The following OPCML variants were observed in gnomAD, a reference collection of about 807,000 sequenced individuals.
OPCML encodes the protein opioid-binding protein/cell adhesion molecule.
A neutral mutation model predicts 37.8 loss-of-function variants in OPCML; 13 were observed. The observed-to-expected ratio is 0.34, with a 90% CI of 0.22 to 0.55. The LOEUF is 0.55. Ranked by LOEUF, OPCML falls within the 20% of genes least tolerant of loss-of-function variation. The pLI is 0.91. For synonymous variants in OPCML, 176 were observed against 168.8 expected (o/e 1.04, Z -0.33); for missense variants, 341 against 435.6 (o/e 0.78, Z 1.93).
intron 1 of OPCML, among the ~76,000 whole-genome samples, chr11:133,322,326 G>T (rs1003643695): frequency 6.6e-6 from 1 of 152,184 alleles, no homozygotes; most frequent in African/African-American, 2.4e-5. Flanking sequence ...ATCATGGTTG[G>T]ATTATACAGA....
chr11:133,042,513 T>G (rs756183955), intron 1 of OPCML, among the ~76,000 whole-genome samples: 4 of 152,142 alleles, frequency 2.6e-5, no homozygotes, highest in African/African-American at 9.7e-5. Context: ...TGGTGTTGTA[T>G]CCACAGAAAT....
At chr11:132,823,475 A>G (rs1940112477) in intron 2 of OPCML, among the ~76,000 whole-genome samples, 1 of 151,514 alleles carries the variant, frequency 6.6e-6, no homozygotes, top group Non-Finnish European at 1.5e-5. Context: ...CCTGCTAGGG[A>G]CTTCACTGCT....
intron 1 of OPCML, among the ~76,000 whole-genome samples, chr11:133,437,294 A>C (rs1294846647): frequency 6.6e-6 from 1 of 152,136 alleles, no homozygotes; most frequent in Non-Finnish European, 1.5e-5. Flanking sequence ...CAATAACCTA[A>C]TAATATCAAT....
intron 3 of OPCML, among the ~76,000 whole-genome samples, chr11:132,605,583 AAAT>A (rs951873095): frequency 6.6e-6 from 1 of 151,546 alleles, no homozygotes; most frequent in Admixed American, 6.6e-5. Flanking sequence ...AAATAAATAA[AAAT>A]AAATAAAAAG....
intron 1 of OPCML, among the ~76,000 whole-genome samples, chr11:132,991,561 C>G (rs1946778189): frequency 6.6e-6 from 1 of 152,208 alleles, no homozygotes; most frequent in South Asian, 2.1e-4. Flanking sequence ...TGAAAGGGCT[C>G]TACGGTGAAG....
At chr11:133,113,631 C>A (rs1949290238) in intron 1 of OPCML, among the ~76,000 whole-genome samples, 1 of 152,182 alleles carries the variant, frequency 6.6e-6, no homozygotes, top group African/African-American at 2.4e-5. Context: ...TACAGCCAAA[C>A]ACTAGCAATA....
chr11:133,195,174 G>A (rs189766813), intron 1 of OPCML, among the ~76,000 whole-genome samples: 2 of 152,128 alleles, frequency 1.3e-5, no homozygotes, highest in Non-Finnish European at 2.9e-5. Context: ...GGATACTCAT[G>A]GGGGAAAATG....
At chr11:132,802,182 C>T (rs906436766) in intron 2 of OPCML, among the ~76,000 whole-genome samples, 2 of 152,186 alleles carry the variant, frequency 1.3e-5, no homozygotes, top group Non-Finnish European at 2.9e-5. Context: ...TTAGCACAAA[C>T]CGTCACCATC....
chr11:132,697,136 T>C (rs532250508), intron 2 of OPCML, among the ~76,000 whole-genome samples: 14 of 152,318 alleles, frequency 9.2e-5, no homozygotes, highest in African/African-American at 2.6e-4. Flanking sequence ...CCCCGTTTCA[T>C]TGAGGTATAA....
At chr11:133,527,712 C>G (rs1948517576) in intron 1 of OPCML, among the ~76,000 whole-genome samples, 1 of 152,176 alleles carries the variant, frequency 6.6e-6, no homozygotes, top group Admixed American at 6.5e-5. Context: ...TTCAGCTACT[C>G]TGTGCAGTTG....
chr11:133,194,122 C>T (rs968205540), intron 1 of OPCML, among the ~76,000 whole-genome samples: 2 of 151,618 alleles, frequency 1.3e-5, no homozygotes, highest in Admixed American at 1.3e-4. Context: ...ATGTAACTGT[C>T]TAAGTCTGTC....
intron 1 of OPCML, among the ~76,000 whole-genome samples, chr11:132,951,745 C>T (rs1945865478): frequency 6.6e-6 from 1 of 152,148 alleles, no homozygotes; most frequent in South Asian, 2.1e-4. Context: ...CACAAAAATT[C>T]CCAAGGCGTC....
At chr11:132,671,198 G>A (rs1942462833) in intron 2 of OPCML, among the ~76,000 whole-genome samples, 3 of 152,126 alleles carry the variant, frequency 2.0e-5, no homozygotes, top group Non-Finnish European at 2.9e-5. Context: ...CTACAGCATT[G>A]CTCCTGTAGA....
At chr11:133,155,415 G>C (rs1391012238) in intron 1 of OPCML, among the ~76,000 whole-genome samples, 1 of 151,990 alleles carries the variant, frequency 6.6e-6, no homozygotes, top group Non-Finnish European at 1.5e-5. Flanking sequence ...TCCTTCTTAG[G>C]GATCATTCTG....
chr11:133,171,216 C>T (rs1950284465), intron 1 of OPCML, among the ~76,000 whole-genome samples: 1 of 152,230 alleles, frequency 6.6e-6, no homozygotes, highest in Non-Finnish European at 1.5e-5. Context: ...TGCAAAAGCA[C>T]CTCAAGAAGG....
At chr11:132,968,714 A>G (rs183923020) in intron 1 of OPCML, among the ~76,000 whole-genome samples, 10 of 152,242 alleles carry the variant, frequency 6.6e-5, no homozygotes, top group Admixed American at 5.2e-4. Context: ...TTATCTTGCA[A>G]TCTTGCTATG....
At chr11:132,684,128 G>C (rs886927061) in intron 2 of OPCML, among the ~76,000 whole-genome samples, 1 of 152,130 alleles carries the variant, frequency 6.6e-6, no homozygotes, top group African/African-American at 2.4e-5. Flanking sequence ...CTGATGAACT[G>C]AGAGATTAAA....
chr11:132,601,549 A>G (rs1163596238), intron 3 of OPCML, among the ~76,000 whole-genome samples: 1 of 152,194 alleles, frequency 6.6e-6, no homozygotes, highest in African/African-American at 2.4e-5. Flanking sequence ...ACTAACATTC[A>G]TTCCAAGAAG....
At chr11:133,123,712 G>A (rs1339062220) in intron 1 of OPCML, among the ~76,000 whole-genome samples, 2 of 151,978 alleles carry the variant, frequency 1.3e-5, no homozygotes, top group South Asian at 2.1e-4. Flanking sequence ...AAAGGTCACC[G>A]CCTCCTGAGT....
Sources: gnomAD v4.1 joint callset for allele counts (sites outside exome capture counted in the v4.1 genomes callset) on GRCh38, gnomAD v4.1.1 for gene constraint, MANE v1.5 for transcripts, NCBI Gene and HGNC (gene_info 2026-07-23, HGNC 2026-07-21) for gene names.